SH3YL1: variants seen among roughly 807,000 people sequenced by gnomAD.
SH3YL1 encodes the protein SH3 domain-containing YSC84-like protein 1.
A neutral mutation model predicts 45.8 loss-of-function variants in SH3YL1; 41 were observed. The ratio of observed to expected loss-of-function variants is 0.89; its 90% CI spans 0.70 to 1.16. SH3YL1 has a LOEUF of 1.16. Ranked by LOEUF, SH3YL1 falls within the 50% of genes most tolerant of loss-of-function variation. SH3YL1 has a pLI of 0.00. For synonymous variants in SH3YL1, 152 were observed against 151.4 expected, an observed-to-expected ratio of 1.00 and a Z score of -0.03; for missense variants, 389 against 409.6, an observed-to-expected ratio of 0.95 and a Z score of 0.43.
intron 1 of SH3YL1, chr2:256,826 T>C (rs186149987): frequency 3.9e-4 from 60 of 152,334 alleles, no homozygotes; most frequent in African/African-American, 1.4e-3. Flanking sequence ...TGATTACACA[T>C]TTCAGGCTTC....
chr2:230,697 G>A, intron 7 of SH3YL1: 1 of 302,948 alleles, frequency 3.3e-6, no homozygotes, highest in Non-Finnish European at 6.2e-6. Context: ...ATGGTAGAGA[G>A]GGGGTTTTGC....
chr2:239,749 C>A (rs1028079587), intron 4 of SH3YL1: 1 of 152,156 alleles, frequency 6.6e-6, no homozygotes, highest in Non-Finnish European at 1.5e-5. Context: ...CAGACCCTCT[C>A]CACAGCAAAA....
At chr2:223,462 G>A (rs1178494011) in intron 9 of SH3YL1, among the ~76,000 whole-genome samples, 1 of 152,074 alleles carries the variant, frequency 6.6e-6, no homozygotes, top group Non-Finnish European at 1.5e-5. Flanking sequence ...TCAAGTTTAG[G>A]AGCACTTTAA....
intron 1 of SH3YL1, among the ~76,000 whole-genome samples, chr2:255,027 T>A (rs980460797): frequency 5.3e-5 from 8 of 152,176 alleles, no homozygotes; most frequent in Non-Finnish European, 7.4e-5. Context: ...GTCTCATGTC[T>A]CCCTAAAATT....
chr2:224,927 A>T lies in SH3YL1; in HGVS notation c.782-7T>A. The T allele has an allele frequency of 6.2e-7, 1 of 1,608,806 alleles. No individual in the cohort carries two copies. The highest frequency in any genetic ancestry group is 8.5e-7 in the Non-Finnish European group (1 of 1,175,262). The stretch of plus-strand genomic sequence containing the variant: ...TTATATTCATTTCTGTTACCTGCCA[A>T]AAAAGAGGAGAGTGGTGATTTTGAA... On this transcript the variant is annotated splice_polypyrimidine_tract_variant and splice_region_variant and intron_variant, in intron 8 of 9. Transcript: ENST00000356150.
chr2:253,002 T>C lies in SH3YL1; in HGVS notation c.112+3A>G. The C allele has an allele frequency of 6.7e-7, 1 of 1,501,094 alleles. No individual in the cohort carries two copies. Among genetic ancestry groups the C allele is most frequent in the South Asian group, 1.2e-5 (1 of 82,044 alleles). 93.0% of individuals were successfully genotyped at this position (1,501,094 alleles called of 1,614,324 possible). ...ACAAACAGCACTCATCCTATTTACC[T>C]ACCAGGAATGATCTTATCAGGTCCA... On this transcript the variant is annotated splice_donor_region_variant and intron_variant, in intron 2 of 9. Coordinates refer to ENST00000356150, the MANE Select transcript of SH3YL1 (RefSeq NM_015677.4).
chr2:253,503 GAC>G (rs1669170425), intron 1 of SH3YL1, among the ~76,000 whole-genome samples: 1 of 152,198 alleles, frequency 6.6e-6, no homozygotes, highest in East Asian at 1.9e-4. Context: ...CCAGCGCCAT[GAC>G]AGTTTACAAA....
chr2:229,825 G>C (rs1325668617), intron 8 of SH3YL1, 141 bp downstream of exon 8: 1 of 581,362 alleles, frequency 1.7e-6, no homozygotes. Flanking sequence ...ATTTAGAAGA[G>C]GCTGAGCACT....
At chr2:221,036 G>T (rs1488368256) in intron 9 of SH3YL1, among the ~76,000 whole-genome samples, 2 of 151,986 alleles carry the variant, frequency 1.3e-5, no homozygotes, top group Non-Finnish European at 2.9e-5. Context: ...AACTGCTCAG[G>T]CACACACATG....
chr2:235,050 T>C (rs879397223), intron 4 of SH3YL1, among the ~76,000 whole-genome samples: 3 of 152,154 alleles, frequency 2.0e-5, no homozygotes, highest in Non-Finnish European at 4.4e-5. Context: ...TAATTTTTTG[T>C]ATTTTTAGTA....
rs1049146977 is a variant in SH3YL1 at position 229,823 on chromosome 2, G to A, written c.781+143C>T. On this transcript the variant is annotated intron_variant, in intron 8 of 9. Coordinates refer to ENST00000356150, the MANE Select transcript of SH3YL1 (RefSeq NM_015677.4). ...GACAATTTGTCTCATGTATTTAGAA[G>A]AGGCTGAGCACTTATTTTACTCTTA... The A allele has an allele frequency of 3.6e-5, 18 of 500,540 alleles. 1 individual carries two copies. The highest frequency in any genetic ancestry group is 6.5e-5 in the Non-Finnish European group (18 of 276,886). The allele number at this position is 500,540 out of a possible 1,614,324, so 31.0% of individuals were successfully genotyped here.
intron 4 of SH3YL1, among the ~76,000 whole-genome samples, chr2:236,986 A>C (rs997118772): frequency 2.6e-5 from 4 of 152,338 alleles, no homozygotes; most frequent in South Asian, 2.1e-4. Context: ...TTTATTTTAC[A>C]TATAGACAAT....
chr2:233,780 CATCCAT>C (rs938732674), intron 5 of SH3YL1, among the ~76,000 whole-genome samples: 3 of 152,078 alleles, frequency 2.0e-5, no homozygotes, highest in Non-Finnish European at 4.4e-5. Context: ...AAAAAAAACA[CATCCAT>C]ATCCAATTTT....
At chr2:255,152 T>A (rs1367613513) in intron 1 of SH3YL1, among the ~76,000 whole-genome samples, 1 of 152,230 alleles carries the variant, frequency 6.6e-6, no homozygotes, top group Admixed American at 6.5e-5. Flanking sequence ...GATTAAAACC[T>A]GTGTCAGAGC....
upstream of SH3YL1, chr2:264,499 G>T (rs1558259240): frequency 5.7e-6 from 1 of 175,500 alleles, no homozygotes; most frequent in Non-Finnish European, 1.2e-5. Flanking sequence ...CCTCCTCCAG[G>T]TACCCCTCTC....
chr2:249,997 T>C (rs1669010554), intron 2 of SH3YL1, among the ~76,000 whole-genome samples, 153 bp from the exon 3 acceptor site: 1 of 152,240 alleles, frequency 6.6e-6, no homozygotes, highest in Non-Finnish European at 1.5e-5. Context: ...ACTCAACAGA[T>C]GGGCACGAGG....
At chr2:231,670 C>T (rs1020235940) in intron 6 of SH3YL1, among the ~76,000 whole-genome samples, 3 of 151,986 alleles carry the variant, frequency 2.0e-5, no homozygotes, top group South Asian at 2.1e-4. Context: ...GAGGTCCTGC[C>T]ATTCATTAAG....
chr2:242,959 C>A, intron 4 of SH3YL1: 1 of 786,172 alleles, frequency 1.3e-6, no homozygotes, highest in Non-Finnish European at 1.8e-6. Flanking sequence ...AGAGATATAA[C>A]AATTATAAAC....
At chr2:255,756 A>G (rs1669293748) in intron 1 of SH3YL1, 3 of 152,254 alleles carry the variant, frequency 2.0e-5, no homozygotes, top group African/African-American at 7.2e-5. Context: ...AGATTCATCA[A>G]TGGTATTAAG....
Sources: allele counts gnomAD v4.1 joint callset (sites outside exome capture counted in the v4.1 genomes callset), GRCh38; gene constraint gnomAD v4.1.1; transcripts MANE v1.5; gene names NCBI Gene and HGNC (gene_info 2026-07-23, HGNC 2026-07-21).